Variants in CRYBG2 observed in about 807,000 individuals in gnomAD.
CRYBG2 encodes beta/gamma crystallin domain-containing protein 2.
CRYBG2 carries 106 observed loss-of-function variants against 153.4 expected under a neutral mutation model. The observed-to-expected ratio is 0.69, with a 90% CI of 0.59 to 0.81. The LOEUF (loss-of-function observed/expected upper bound fraction) is 0.81, where lower values mean the gene tolerates loss of function less well. Among genes scored for constraint, CRYBG2 ranks in the 30% least tolerant of loss-of-function variants. CRYBG2 has a pLI of 0.00. For synonymous variants in CRYBG2, 851 were observed against 877.8 expected (o/e 0.97, Z 0.54); for missense variants, 1,996 against 2,112.0 (o/e 0.95, Z 1.08).
intron 8 of CRYBG2, 60 bp downstream of exon 8, chr1:26,337,952 A>AGG: frequency 6.3e-7 from 1 of 1,586,010 alleles, no homozygotes; most frequent in Non-Finnish European, 8.6e-7. Flanking sequence ...GACCACGATA[A>AGG]CCAAACACCT....
intron 1 of CRYBG2, among the ~76,000 whole-genome samples, chr1:26,353,381 T>C (rs2074306101): frequency 6.6e-6 from 1 of 152,160 alleles, no homozygotes; most frequent in African/African-American, 2.4e-5. Context: ...CTTGATGAGC[T>C]TTGGGGGACA....
At position 26,328,173 on chromosome 1, in the gene CRYBG2, G is replaced by A. The variant is rs1173766160; in HGVS notation, c.4578+36C>T. On this transcript the variant is annotated intron_variant, in intron 17 of 19. Transcript: ENST00000308182. The stretch of plus-strand genomic sequence containing the variant: ...AGAAAGGCCTGCCCAGACACGCTCA[G>A]CCCCAGACACGCTCAGCTCCAGCCA... 5.2e-6 allele frequency: 8 copies of A among 1,551,852 alleles called. No individual in the cohort carries two copies. In the South Asian group the frequency reaches 8.3e-5, roughly 16 times the overall value.
At position 26,343,785 on chromosome 1, in the gene CRYBG2, G is replaced by T; in HGVS notation, c.2873C>A (p.Pro958Gln). The change falls in exon 2 of 20, where the codon CCA becomes CAA. Residue 958 changes from proline (P) to glutamine (Q), a missense_variant. Pro to Gln is a moderately conservative substitution (Grantham distance 76). Coordinates refer to ENST00000308182, the MANE Select transcript of CRYBG2 (RefSeq NM_001039775.4). This position sits in a 1 kb window ranked among gnomAD's most constrained non-coding sequence, Gnocchi z 4.1. ...LPLLCSERSSPTEKLACSLPL... is the reference protein window; with the variant it reads ...LPLLCSERSSQTEKLACSLPL... ...CAGGGAACAGGCAAGCTTCTCCGTT[G>T]GGGATGATCTTTCACTGCAAAGCAG... 1 of 1,450,600 alleles carries T rather than the reference G, an allele frequency of 6.9e-7. No individual in the cohort carries two copies. The highest frequency in any genetic ancestry group is 9.1e-7 in the Non-Finnish European group (1 of 1,098,980). The allele number at this position is 1,450,600 out of a possible 1,614,324, so 89.9% of individuals were successfully genotyped here.
chr1:26,336,575 G>A lies in CRYBG2; in HGVS notation c.4038+31C>T, dbSNP rs1404145222. 1.9e-6 allele frequency: 3 copies of A among 1,542,116 alleles called. No homozygotes were observed. The highest frequency in any genetic ancestry group is 4.0e-5 in the Admixed American group (2 of 49,468). On this transcript the variant is annotated intron_variant, in intron 12 of 19. Coordinates refer to ENST00000308182, the MANE Select transcript of CRYBG2 (RefSeq NM_001039775.4). This position sits in a 1 kb window ranked among gnomAD's most constrained non-coding sequence, Gnocchi z 4.9. ...CCCGAACTCCAGGTCCCGCCACCGG[G>A]GAGGCCCCGCCCCCCGCGGCCGGCA...
rs1474001961 is a variant in CRYBG2, at chr1:26,344,288, G to A, written c.2370C>T (p.Arg790=). 5 of 1,517,756 alleles carry A rather than the reference G, an allele frequency of 3.3e-6. No homozygotes were observed. Among genetic ancestry groups the A allele is most frequent in the East Asian group, 2.5e-5 (1 of 40,672 alleles). The allele number at this position is 1,517,756 out of a possible 1,614,324, so 94.0% of individuals were successfully genotyped here. ...LRTHRLPRAP[R]SSYLSMYATL... The stretch of plus-strand genomic sequence containing the variant: ...TGGCGTACATGGACAGGTAGGAGGA[G>A]CGAGGGGCTCGTGGCAGCCGGTGAG... Residue 790 remains arginine, a synonymous_variant, in exon 2 of 20, where the codon CGC becomes CGT. Coordinates refer to ENST00000308182, the MANE Select transcript of CRYBG2 (RefSeq NM_001039775.4).
intron 18 of CRYBG2, 144 bp downstream of exon 18, chr1:26,324,008 G>A: frequency 1.3e-6 from 1 of 793,046 alleles, no homozygotes; most frequent in Non-Finnish European, 1.9e-6. Flanking sequence ...CTTGCCCAGG[G>A]GGAACAGTCT....
Position 26,336,522 on chromosome 1 carries a change from C to A in CRYBG2, c.4038+84G>T, listed in dbSNP as rs780290025. On this transcript the variant is annotated intron_variant, in intron 12 of 19. Transcript: ENST00000308182. This position sits in a 1 kb window ranked among gnomAD's most constrained non-coding sequence, Gnocchi z 4.9. ...AAGCGCCCAGGCAGGTCCTCCAGCC[C>A]GCTACCTCTGCGTGGGGGCGGGGCG... 10 of 1,544,420 alleles carry A rather than the reference C, an allele frequency of 6.5e-6. No homozygotes were observed. The African/African-American group carries it at 1.2e-4, about 19-fold the overall frequency.
chr1:26,349,584 A>C (rs1294707507), intron 1 of CRYBG2, among the ~76,000 whole-genome samples: 2 of 151,960 alleles, frequency 1.3e-5, no homozygotes, highest in African/African-American at 2.4e-5. Context: ...TAATATTAAC[A>C]CCTGCCAAAG....
chr1:26,347,217 G>T (rs1317662510), intron 1 of CRYBG2, among the ~76,000 whole-genome samples: 1 of 151,366 alleles, frequency 6.6e-6, no homozygotes, highest in East Asian at 1.9e-4. Context: ...CAAGCATCAG[G>T]GTCCTCAGCC....
chr1:26,328,958 C>G, intron 15 of CRYBG2, 85 bp from the exon 16 acceptor site: 1 of 1,549,526 alleles, frequency 6.5e-7, no homozygotes, highest in Admixed American at 1.9e-5. Flanking sequence ...CCCTGACTCC[C>G]AGATCTGTAT....
intron 7 of CRYBG2, 89 bp from the exon 8 acceptor site, chr1:26,338,136 C>A: frequency 6.5e-7 from 1 of 1,528,026 alleles, no homozygotes; most frequent in Non-Finnish European, 8.9e-7. Flanking sequence ...TCCTGAGAAC[C>A]CCAACCCCAT....
In CRYBG2 at chr1:26,343,866, G is replaced by A; in HGVS notation, c.2792C>T (p.Ser931Phe). 6.6e-7 allele frequency: 1 copy of A among 1,503,916 alleles called. No individual in the cohort carries two copies. Among genetic ancestry groups the A allele is most frequent in the South Asian group, 1.3e-5 (1 of 76,624 alleles). 93.2% of individuals were successfully genotyped at this position (1,503,916 alleles called of 1,614,324 possible). A position where few individuals can be genotyped will look rare whatever the true frequency, so the allele number is the denominator to read the frequency against. ...STPEPLGTKL[S>F]ALLPHGAPGL... ...CGGTGCCCCATGGGGCAGCAGAGCA[G>A]ATAGTTTTGTGCCCAGCGGTTCCGG... Residue 931 changes from serine to phenylalanine, a missense_variant, in exon 2 of 20, where the codon TCT (serine) becomes TTT (phenylalanine). Transcript: ENST00000308182. The surrounding 1 kb of genome is among the most constrained non-coding windows in gnomAD (Gnocchi z 4.1).
rs184364252 is a variant in CRYBG2, at chr1:26,343,349, C to A, written c.2914-56G>T. The A allele has an allele frequency of 6.0e-5, 92 of 1,532,456 alleles. No homozygotes were observed. In the Admixed American group the frequency reaches 9.4e-4, roughly 16 times the overall value. 94.9% of individuals were successfully genotyped at this position (1,532,456 alleles called of 1,614,324 possible). ...TGTGGGGTCACCTCTTTTCTGCCTC[C>A]CCACAACCCGCCATTCCAAGGATCC... On this transcript the variant is annotated intron_variant, in intron 2 of 19. Coordinates refer to ENST00000308182, the MANE Select transcript of CRYBG2 (RefSeq NM_001039775.4). The surrounding 1 kb of genome is among the most constrained non-coding windows in gnomAD (Gnocchi z 4.1).
intron 1 of CRYBG2, among the ~76,000 whole-genome samples, chr1:26,348,576 G>A (rs2074251941): frequency 6.6e-6 from 1 of 151,912 alleles, no homozygotes; most frequent in African/African-American, 2.4e-5. Context: ...TATTTTTTGA[G>A]ACAGAGTCTC....
rs1331454432 is a variant in CRYBG2 at position 26,338,434 on chromosome 1, T to A, written c.3388A>T (p.Ile1130Phe). ...PKPLFEDTPY[I>F]LEPGEYPTSE... ...GTGGGGTACTCTCCAGGTTCCAGGA[T>A]GTAGGGAGTGTCTTCGAATAATGGT... is the stretch of plus-strand genomic sequence containing the variant. Residue 1130 changes from isoleucine to phenylalanine, a missense_variant, in exon 7 of 20, where the codon ATC (isoleucine) becomes TTC (phenylalanine). Transcript: ENST00000308182. 1 of 1,613,130 alleles carries A rather than the reference T, an allele frequency of 6.2e-7. No homozygotes were observed. The highest frequency in any genetic ancestry group is 1.1e-5 in the South Asian group (1 of 90,900).
Position 26,346,660 on chromosome 1 carries a change from G to A in CRYBG2, c.-3C>T, listed in dbSNP as rs560258805. On this transcript the variant is annotated 5_prime_UTR_variant, in exon 2 of 20. Coordinates refer to ENST00000308182, the MANE Select transcript of CRYBG2 (RefSeq NM_001039775.4). This position sits in a 1 kb window ranked among gnomAD's most constrained non-coding sequence, Gnocchi z 4.9. Reference sequence around the variant, plus strand: ...ATGGGCCCACCTGCCTCCTCCATGTGGGGCCCTGGCAACCTGTCTGGAGGT... The same window carrying A: ...ATGGGCCCACCTGCCTCCTCCATGTAGGGCCCTGGCAACCTGTCTGGAGGT... 1.3e-6 allele frequency: 2 copies of A among 1,529,468 alleles called. No homozygotes were observed. Among genetic ancestry groups the A allele is most frequent in the East Asian group, 2.5e-5 (1 of 40,800 alleles). The allele number at this position is 1,529,468 out of a possible 1,614,324, so 94.7% of individuals were successfully genotyped here. A position where few individuals can be genotyped will look rare whatever the true frequency, so the allele number is the denominator to read the frequency against.
At chr1:26,338,597 C>G in intron 6 of CRYBG2, 120 bp from the exon 7 acceptor site, 1 of 1,140,584 alleles carries the variant, frequency 8.8e-7, no homozygotes, top group Non-Finnish European at 1.2e-6. Context: ...TCCCATCAGT[C>G]TCGTATAATC....
intron 5 of CRYBG2, among the ~76,000 whole-genome samples, chr1:26,340,314 A>C (rs2074114706): frequency 6.6e-6 from 1 of 152,166 alleles, no homozygotes; most frequent in Non-Finnish European, 1.5e-5. Flanking sequence ...GGCATTATTC[A>C]TCCAGTCACA....
At chr1:26,326,534 C>G (rs981496031) in intron 17 of CRYBG2, among the ~76,000 whole-genome samples, 39 of 145,084 alleles carry the variant, frequency 2.7e-4, no homozygotes, top group Non-Finnish European at 3.0e-4. Context: ...CAAGAAGACT[C>G]TGTCTCAAAA....
Sources: allele counts gnomAD v4.1 joint callset (sites outside exome capture counted in the v4.1 genomes callset), GRCh38; gene constraint gnomAD v4.1.1; non-coding constraint Gnocchi (gnomAD v3.1); transcripts MANE v1.5; gene names NCBI Gene and HGNC (gene_info 2026-07-23, HGNC 2026-07-21).